AKAP13: variants seen among roughly 807,000 people sequenced by gnomAD.
The protein encoded by AKAP13 is A-kinase anchoring protein 13.
Under a neutral mutation model 264.5 loss-of-function variants are expected in AKAP13, and 80 were observed. The ratio of observed to expected loss-of-function variants is 0.30; its 90% CI spans 0.25 to 0.36. The LOEUF (loss-of-function observed/expected upper bound fraction) is 0.36, where lower values mean the gene tolerates loss of function less well. Among genes scored for constraint, AKAP13 ranks in the 10% least tolerant of loss-of-function variants. The pLI, the probability that AKAP13 is intolerant of heterozygous loss-of-function variation, is 1.00. For synonymous variants in AKAP13, 1,380 were observed against 1,250.2 expected, an observed-to-expected ratio of 1.10 and a Z score of -2.19; for missense variants, 3,712 against 3,435.2, an observed-to-expected ratio of 1.08 and a Z score of -2.01.
Position 85,735,557 on chromosome 15 carries a change from T to C in AKAP13, c.7442-3T>C, listed in dbSNP as rs565160223. 95 of 1,606,524 alleles carry C rather than the reference T, an allele frequency of 5.9e-5. No homozygotes were observed. The South Asian group carries it at 9.8e-4, about 16-fold the overall frequency. On this transcript the variant is annotated splice_polypyrimidine_tract_variant and splice_region_variant and intron_variant, in intron 31 of 36. Transcript: ENST00000394518. ...AAAAAAAACAACCCTATTTTTTGTT[T>C]AGGAGGCGAGAAGGAAGAGGGAGAT... is the stretch of plus-strand genomic sequence containing the variant.
intron 1 of AKAP13, among the ~76,000 whole-genome samples, chr15:85,484,435 C>T (rs756320235): frequency 3.3e-5 from 5 of 151,932 alleles, no homozygotes; most frequent in Admixed American, 2.6e-4. Flanking sequence ...TCTGTTATAG[C>T]GCATGGGGTG....
intron 13 of AKAP13, among the ~76,000 whole-genome samples, chr15:85,668,806 G>A (rs368526033): frequency 7.9e-5 from 12 of 152,258 alleles, no homozygotes; most frequent in African/African-American, 2.9e-4. Flanking sequence ...AGCTGGGCGT[G>A]GTGGTGCACC....
rs146462810 is a variant in AKAP13 at position 85,593,629 on chromosome 15, T to C, written c.4161+7806T>C. On this transcript the variant is annotated intron_variant, in intron 8 of 36. Coordinates refer to ENST00000394518, the MANE Select transcript of AKAP13 (RefSeq NM_007200.5). ...TCCAAGGTGTTTTGTTCTGGGATAT[T>C]AAAATCAATTATATTAGAATCTGCT... Among the ~76,000 whole-genome samples the C allele has an allele frequency of 6.3e-3, 960 of 152,254 alleles. 11 individuals carry two copies. Among genetic ancestry groups the C allele is most frequent in the African/African-American group, 0.022 (899 of 41,534 alleles).
chr15:85,490,960 C>A (rs888988037), intron 2 of AKAP13, among the ~76,000 whole-genome samples: 2 of 152,124 alleles, frequency 1.3e-5, no homozygotes, highest in African/African-American at 4.8e-5. Flanking sequence ...AGGCTGAGAC[C>A]TGAAGGAGCC....
Position 85,708,100 on chromosome 15 carries a change from G to C in AKAP13, c.5532+14G>C. ...GTCAAAATGAAGGTAAGACTTTCTG[G>C]CTAAAACAAGGCTTAAAATAAAAGG... On this transcript the variant is annotated intron_variant, in intron 18 of 36. Coordinates refer to ENST00000394518, the MANE Select transcript of AKAP13 (RefSeq NM_007200.5). This position sits in a 1 kb window ranked among gnomAD's most constrained non-coding sequence, Gnocchi z 4.3. The C allele has an allele frequency of 1.9e-6, 3 of 1,612,800 alleles. No individual in the cohort carries two copies. The highest frequency in any genetic ancestry group is 2.5e-6 in the Non-Finnish European group (3 of 1,179,262).
intron 1 of AKAP13, among the ~76,000 whole-genome samples, chr15:85,483,498 C>T (rs1290629684): frequency 2.0e-5 from 3 of 149,282 alleles, no homozygotes; most frequent in Admixed American, 1.3e-4. Flanking sequence ...CGGTGGCGGG[C>T]GCCTGTAGTC....
intron 17 of AKAP13, among the ~76,000 whole-genome samples, chr15:85,699,103 A>T (rs993520324): frequency 6.6e-6 from 1 of 152,038 alleles, no homozygotes; most frequent in African/African-American, 2.4e-5. Flanking sequence ...ATAGAACAAT[A>T]TATACAGCAT....
intron 4 of AKAP13, among the ~76,000 whole-genome samples, chr15:85,537,705 C>T (rs973790827): frequency 6.6e-6 from 1 of 152,198 alleles, no homozygotes; most frequent in Non-Finnish European, 1.5e-5. Flanking sequence ...ATCCTGGCTT[C>T]ATTGCAAGAG....
chr15:85,640,973 T>G lies in AKAP13; in HGVS notation c.4237+1524T>G, dbSNP rs576737926. Among the ~76,000 whole-genome samples the G allele has an allele frequency of 2.6e-3, 389 of 152,286 alleles. 2 individuals are homozygous for G. The highest frequency in any genetic ancestry group is 0.014 in the Middle Eastern group (4 of 294). ...AAGCAATTTAGTCTTTTTAGAGTAA[T>G]TATTGTAAAATCTCGATTTAACAGA... On this transcript the variant is annotated intron_variant, in intron 9 of 36. Coordinates refer to ENST00000394518, the MANE Select transcript of AKAP13 (RefSeq NM_007200.5).
At chr15:85,601,650 T>TGTGTGTGTGTGTG (rs1567149369) in intron 8 of AKAP13, among the ~76,000 whole-genome samples, 4 of 35,566 alleles carry the variant, frequency 1.1e-4, no homozygotes, top group East Asian at 4.3e-4. Flanking sequence ...GTGTGTGTGT[T>TGTGTGTGTGTGTG]TTTCTTCCAG....
chr15:85,585,623 C>T, intron 7 of AKAP13, 79 bp from the exon 8 acceptor site: 10 of 1,581,232 alleles, frequency 6.3e-6, no homozygotes, highest in Non-Finnish European at 7.8e-6. Flanking sequence ...ACACATGAAA[C>T]CTGGAGCATG....
At chr15:85,739,739 T>G (rs1179784257) in intron 33 of AKAP13, among the ~76,000 whole-genome samples, 3 of 152,194 alleles carry the variant, frequency 2.0e-5, no homozygotes, top group African/African-American at 7.2e-5. Context: ...TATGGTTTAT[T>G]TTTTGCCTTT....
At chr15:85,619,515 T>A (rs1478461818) in intron 8 of AKAP13, 9 of 985,256 alleles carry the variant, frequency 9.1e-6, no homozygotes, top group Non-Finnish European at 9.6e-6. Context: ...AGCTTCTACT[T>A]TTTTTTAAGG....
At chr15:85,560,209 A>T (rs147411129) in intron 5 of AKAP13, among the ~76,000 whole-genome samples, 53 of 150,482 alleles carry the variant, frequency 3.5e-4, no homozygotes, top group African/African-American at 1.1e-3. Context: ...TCTGTCACTC[A>T]GTCTAGAGTG....
At chr15:85,417,119 A>T (rs2072276679) in intron 1 of AKAP13, among the ~76,000 whole-genome samples, 2 of 152,196 alleles carry the variant, frequency 1.3e-5, no homozygotes, top group Admixed American at 1.3e-4. Flanking sequence ...CATAGGAACA[A>T]AAGGTAACTT....
At chr15:85,419,942 T>TG (rs1411998112) in intron 1 of AKAP13, among the ~76,000 whole-genome samples, 1 of 138,154 alleles carries the variant, frequency 7.2e-6, no homozygotes, top group Non-Finnish European at 1.6e-5. Flanking sequence ...CTTGTTTTTT[T>TG]TTTTTTTTTT....
chr15:85,419,291 A>T (rs182369611), intron 1 of AKAP13, among the ~76,000 whole-genome samples: 2 of 152,232 alleles, frequency 1.3e-5, no homozygotes, highest in African/African-American at 4.8e-5. Context: ...GGGCCACTTT[A>T]TAAAATGCTC....
intron 34 of AKAP13, 78 bp downstream of exon 34, chr15:85,740,350 T>C (rs1378695942): frequency 1.3e-6 from 2 of 1,548,410 alleles, no homozygotes; most frequent in African/African-American, 1.4e-5. Context: ...ACTTGGATCT[T>C]TGAGGTTTGC....
intron 12 of AKAP13, among the ~76,000 whole-genome samples, chr15:85,661,921 C>T (rs961150349): frequency 1.4e-5 from 2 of 143,776 alleles, no homozygotes; most frequent in African/African-American, 5.2e-5. Context: ...AAAAAAAAAC[C>T]GGATGACTCC....
Sources: gnomAD v4.1 joint callset for allele counts (sites outside exome capture counted in the v4.1 genomes callset) on GRCh38, gnomAD v4.1.1 for gene constraint, Gnocchi (gnomAD v3.1) non-coding constraint, MANE v1.5 for transcripts, NCBI Gene and HGNC (gene_info 2026-07-23, HGNC 2026-07-21) for gene names.